The following NMNAT3 variants were observed in gnomAD, a reference collection of about 807,000 sequenced individuals.
NMNAT3 encodes the protein nicotinamide nucleotide adenylyltransferase 3.
Under a neutral mutation model 24.8 loss-of-function variants are expected in NMNAT3, and 21 were observed. The observed-to-expected ratio is 0.85, with a 90% CI of 0.60 to 1.22. NMNAT3 has a LOEUF of 1.22. NMNAT3 is among the 50% of genes most tolerant of loss of function. The pLI is 0.00. For synonymous variants in NMNAT3, 136 were observed against 155.2 expected (o/e 0.88, Z 0.92); for missense variants, 387 against 436.6 (o/e 0.89, Z 1.01).
chr3:139,618,236 CG>C (rs1391914803), intron 3 of NMNAT3, among the ~76,000 whole-genome samples: 1 of 152,172 alleles, frequency 6.6e-6, no homozygotes, highest in African/African-American at 2.4e-5. Context: ...CTCTTGAGCA[CG>C]GATGACTTTG....
chr3:139,610,842 A>T (rs2055177227), intron 3 of NMNAT3, among the ~76,000 whole-genome samples: 1 of 152,222 alleles, frequency 6.6e-6, no homozygotes, highest in Non-Finnish European at 1.5e-5. Flanking sequence ...TCAAATTAAA[A>T]TCACCAAGGT....
chr3:139,675,550 A>G (rs1426882607), intron 1 of NMNAT3, among the ~76,000 whole-genome samples: 1 of 152,148 alleles, frequency 6.6e-6, no homozygotes, highest in Non-Finnish European at 1.5e-5. Context: ...GAGGCCCTTT[A>G]TCATGCAGAA....
intron 1 of NMNAT3, among the ~76,000 whole-genome samples, chr3:139,645,332 G>A (rs1416528369): frequency 6.6e-6 from 1 of 152,174 alleles, no homozygotes; most frequent in Admixed American, 6.5e-5. Flanking sequence ...TGATGAATGA[G>A]AGGCACAGAT....
At chr3:139,599,451 G>T in intron 3 of NMNAT3, 1 of 698,754 alleles carries the variant, frequency 1.4e-6, no homozygotes, top group Non-Finnish European at 2.6e-6. Context: ...GGAAACAAAG[G>T]CCTTGAAAGA....
intron 3 of NMNAT3, among the ~76,000 whole-genome samples, chr3:139,588,752 T>C (rs1321005140): frequency 1.3e-5 from 2 of 152,214 alleles, no homozygotes. Flanking sequence ...GGCGCATATC[T>C]ACTTTCTGCC....
chr3:139,641,772 T>A (rs2056711776), intron 1 of NMNAT3, among the ~76,000 whole-genome samples: 1 of 152,236 alleles, frequency 6.6e-6, no homozygotes, highest in Admixed American at 6.5e-5. Context: ...CATGAGCAGA[T>A]GTTCCAGAGC....
rs558102127 is a variant in NMNAT3, at chr3:139,572,245, G to A, written c.658+1353C>T. 9.5e-5 allele frequency: 38 copies of A among 398,740 alleles called. No homozygotes were observed. The Admixed American group carries it at 1.0e-3, about 11-fold the overall frequency. The allele number at this position is 398,740 out of a possible 1,614,324, so 24.7% of individuals were successfully genotyped here. A position where few individuals can be genotyped will look rare whatever the true frequency, so the allele number is the denominator to read the frequency against. On this transcript the variant is annotated intron_variant, in intron 6 of 6. Coordinates refer to ENST00000643695, the MANE Select transcript of NMNAT3 (RefSeq NM_001320510.2). ...CCTTTTAAGAATACCTGCTGAGCCA[G>A]AGATGATGCAGAAAGAAGGGAGAGG...
At chr3:139,568,196 A>G (rs1305176564) in intron 6 of NMNAT3, 1 of 152,042 alleles carries the variant, frequency 6.6e-6, no homozygotes, top group Non-Finnish European at 1.5e-5. Flanking sequence ...TATCCCCTTT[A>G]TCATTTTTTA....
intron 1 of NMNAT3, among the ~76,000 whole-genome samples, chr3:139,658,390 T>A (rs1351698488): frequency 6.6e-6 from 1 of 152,208 alleles, no homozygotes; most frequent in Non-Finnish European, 1.5e-5. Flanking sequence ...GCTCCAAGCC[T>A]TCTGCCCATT....
chr3:139,604,671 C>T (rs1576626487), intron 3 of NMNAT3, among the ~76,000 whole-genome samples: 1 of 152,346 alleles, frequency 6.6e-6, no homozygotes, highest in South Asian at 2.1e-4. Context: ...CAACACTCTA[C>T]ATTTTAACAC....
intron 1 of NMNAT3, among the ~76,000 whole-genome samples, chr3:139,675,131 A>AACGTACACACAC (rs2057884149): frequency 4.0e-5 from 1 of 25,098 alleles, no homozygotes; most frequent in Non-Finnish European, 8.7e-5. Context: ...ATTCCTTTTA[A>AACGTACACACAC]ACATACACAC....
At chr3:139,594,494 A>G (rs7623655) in intron 3 of NMNAT3, among the ~76,000 whole-genome samples, 3,989 of 152,252 alleles carry the variant, frequency 0.026, 189 homozygotes, top group African/African-American at 0.089. Context: ...CCAAAGCCTG[A>G]CAGAGACACA....
At chr3:139,622,098 T>A (rs770360075) in intron 3 of NMNAT3, among the ~76,000 whole-genome samples, 7 of 152,208 alleles carry the variant, frequency 4.6e-5, no homozygotes, top group African/African-American at 7.2e-5. Context: ...GGTAGATACC[T>A]TGTAGTGGGA....
chr3:139,591,283 C>G (rs1421951308), intron 3 of NMNAT3, among the ~76,000 whole-genome samples: 2 of 151,880 alleles, frequency 1.3e-5, no homozygotes, highest in Non-Finnish European at 2.9e-5. Flanking sequence ...CGGCGCACGA[C>G]GAGACTATAT....
At chr3:139,566,819 T>C (rs1275133184) in intron 6 of NMNAT3, 2 of 152,242 alleles carry the variant, frequency 1.3e-5, no homozygotes, top group Non-Finnish European at 2.9e-5. Flanking sequence ...TTTGTTCTTT[T>C]GGCTTAGGAT....
intron 1 of NMNAT3, among the ~76,000 whole-genome samples, chr3:139,644,805 T>A (rs2056817097): frequency 6.6e-6 from 1 of 152,168 alleles, no homozygotes; most frequent in African/African-American, 2.4e-5. Flanking sequence ...ATAATGTAAA[T>A]CCTATTTAAT....
chr3:139,637,192 A>G (rs987571341), intron 2 of NMNAT3: 3 of 152,220 alleles, frequency 2.0e-5, no homozygotes, highest in Admixed American at 6.5e-5. Flanking sequence ...TAGTGGCTTA[A>G]AACAATAAAG....
At chr3:139,633,842 T>C (rs565973753) in intron 2 of NMNAT3, among the ~76,000 whole-genome samples, 14 of 152,254 alleles carry the variant, frequency 9.2e-5, no homozygotes, top group African/African-American at 3.4e-4. Context: ...TTTTATCCTA[T>C]GGGCAAGGAG....
intron 6 of NMNAT3, 45 bp downstream of exon 6, chr3:139,573,553 T>A: frequency 8.3e-7 from 1 of 1,205,356 alleles, no homozygotes; most frequent in Non-Finnish European, 1.2e-6. Context: ...TCTCACAGAA[T>A]CCCTGACATC....
Sources: allele counts gnomAD v4.1 joint callset (sites outside exome capture counted in the v4.1 genomes callset), GRCh38; gene constraint gnomAD v4.1.1; transcripts MANE v1.5; gene names NCBI Gene and HGNC (gene_info 2026-07-23, HGNC 2026-07-21).